Variants in FREM2 observed in about 807,000 individuals in gnomAD.
FREM2 encodes FRAS1 related extracellular matrix 2, also known as FRAS1-related extracellular matrix protein 2.
A neutral mutation model predicts 219.9 loss-of-function variants in FREM2; 119 were observed. The observed-to-expected ratio is 0.54, with a 90% CI of 0.47 to 0.63. The LOEUF (loss-of-function observed/expected upper bound fraction) is 0.63. Among genes scored for constraint, FREM2 ranks in the 30% least tolerant of loss-of-function variants. The pLI is 0.00. For synonymous variants in FREM2, 1,562 were observed against 1,522.8 expected (o/e 1.03, Z -0.60); for missense variants, 4,030 against 3,993.6 (o/e 1.01, Z -0.25).
intron 2 of FREM2, among the ~76,000 whole-genome samples, chr13:38,748,001 A>C (rs938429794): frequency 1.3e-5 from 2 of 152,188 alleles, no homozygotes; most frequent in African/African-American, 4.8e-5. Flanking sequence ...CTAAGATCCA[A>C]CTGAAAACAG....
intron 18 of FREM2, among the ~76,000 whole-genome samples, chr13:38,875,272 C>G (rs1244415048): frequency 6.6e-6 from 1 of 151,692 alleles, no homozygotes; most frequent in Non-Finnish European, 1.5e-5. Flanking sequence ...TTTCTGCCAG[C>G]TTATATTAGA....
chr13:38,705,252 T>C (rs1435726576), intron 2 of FREM2, among the ~76,000 whole-genome samples: 2 of 152,092 alleles, frequency 1.3e-5, no homozygotes, highest in Non-Finnish European at 2.9e-5. Flanking sequence ...GTAAGACTTA[T>C]TGATGAGTTG....
At chr13:38,821,905 C>G (rs1358021461) in intron 6 of FREM2, 1 of 152,116 alleles carries the variant, frequency 6.6e-6, no homozygotes, top group Non-Finnish European at 1.5e-5. Flanking sequence ...CACTTGGCCT[C>G]AGGCTCCCGG....
chr13:38,728,148 C>A (rs77047895), intron 2 of FREM2, among the ~76,000 whole-genome samples: 7,783 of 151,938 alleles, frequency 0.051, 639 homozygotes, highest in African/African-American at 0.17. Context: ...TGTTCAGCAC[C>A]CAACACCAAT....
At chr13:38,800,917 A>C (rs545035755) in intron 6 of FREM2, among the ~76,000 whole-genome samples, 63 of 152,328 alleles carry the variant, frequency 4.1e-4, no homozygotes, top group African/African-American at 1.4e-3. Context: ...GGCATGAGCC[A>C]CCACACCCAG....
At chr13:38,706,664 T>G (rs1455640130) in intron 2 of FREM2, among the ~76,000 whole-genome samples, 2 of 152,222 alleles carry the variant, frequency 1.3e-5, no homozygotes, top group Non-Finnish European at 2.9e-5. Flanking sequence ...TCCTGCTTTT[T>G]CTGAGATTAG....
At chr13:38,804,011 G>A (rs748134294) in intron 6 of FREM2, among the ~76,000 whole-genome samples, 115 of 151,908 alleles carry the variant, frequency 7.6e-4, no homozygotes, top group Non-Finnish European at 1.3e-3. Context: ...TTTGCATTAC[G>A]CTTGCAAGCT....
At chr13:38,846,888 TA>T (rs1458121777) in intron 7 of FREM2, among the ~76,000 whole-genome samples, 166 bp downstream of exon 7, 2 of 152,342 alleles carry the variant, frequency 1.3e-5, no homozygotes, top group Non-Finnish European at 2.9e-5. Context: ...CTTTATTTAC[TA>T]CTTTGGGAAA....
At chr13:38,857,460 A>G (rs943467836) in intron 12 of FREM2, among the ~76,000 whole-genome samples, 1 of 151,940 alleles carries the variant, frequency 6.6e-6, no homozygotes, top group African/African-American at 2.4e-5. Context: ...CTATCCCATG[A>G]CCTCTGTGAT....
chr13:38,793,648 A>G (rs1874653321), intron 6 of FREM2, among the ~76,000 whole-genome samples: 1 of 152,254 alleles, frequency 6.6e-6, no homozygotes, highest in East Asian at 1.9e-4. Flanking sequence ...AATTAGATTT[A>G]TATTTTAGAA....
chr13:38,787,352 C>A (rs552251699), intron 6 of FREM2, among the ~76,000 whole-genome samples: 86 of 152,276 alleles, frequency 5.6e-4, no homozygotes, highest in African/African-American at 2.0e-3. Flanking sequence ...TCTAACATCA[C>A]TACTATAGTT....
chr13:38,689,223 G>A lies in FREM2; in HGVS notation c.1879G>A (p.Gly627Ser), dbSNP rs199661318. Residue 627 changes from glycine to serine, a missense_variant, in exon 1 of 24, where the codon GGC (glycine) becomes AGC (serine). By Grantham distance (56) the Gly-to-Ser change is moderately conservative (BLOSUM62 0). Coordinates refer to ENST00000280481, the MANE Select transcript of FREM2 (RefSeq NM_207361.6). ...CCATGAGAAGCAGGAACTTCTCAGA[G>A]GCCTTTGGAGGAAGGAGGGGGCATT... ...PPHEKQELLR[G>S]LWRKEGAFYE... 9.8e-5 allele frequency: 158 copies of A among 1,614,100 alleles called. No homozygotes were observed. In the Admixed American group the frequency reaches 1.0e-3, roughly 10 times the overall value.
intron 2 of FREM2, among the ~76,000 whole-genome samples, chr13:38,726,614 T>A (rs1219137607): frequency 6.6e-6 from 1 of 152,120 alleles, no homozygotes; most frequent in Non-Finnish European, 1.5e-5. Flanking sequence ...CTGTCACTCT[T>A]CCAGATACCC....
intron 2 of FREM2, among the ~76,000 whole-genome samples, chr13:38,749,420 C>T (rs1379642447): frequency 1.3e-5 from 2 of 152,190 alleles, no homozygotes; most frequent in African/African-American, 4.8e-5. Flanking sequence ...TATATATTCA[C>T]AATTCAATTT....
chr13:38,873,055 A>G (rs1451944660), intron 17 of FREM2, 121 bp downstream of exon 17: 1 of 794,690 alleles, frequency 1.3e-6, no homozygotes, highest in African/African-American at 1.7e-5. Flanking sequence ...TTCATTTTCT[A>G]TCTATAATAA....
intron 6 of FREM2, among the ~76,000 whole-genome samples, chr13:38,792,455 T>C (rs576156951): frequency 6.6e-6 from 1 of 152,342 alleles, no homozygotes; most frequent in East Asian, 1.9e-4. Context: ...TTCATGGTAT[T>C]AGTTACCTGC....
rs118084098 is a variant in FREM2, at chr13:38,699,170, T to C, written c.5263+1383T>C. ...GAAATTATTGGTTTAAAACACCATG[T>C]TTATCTCTTAGGATGACTGAGTAAA... On this transcript the variant is annotated intron_variant, in intron 2 of 23. Coordinates refer to ENST00000280481, the MANE Select transcript of FREM2 (RefSeq NM_207361.6). Among the ~76,000 whole-genome samples, 914 of 152,276 alleles carry C rather than the reference T, an allele frequency of 6.0e-3. 9 individuals carry two copies. The highest frequency in any genetic ancestry group is 0.021 in the South Asian group (101 of 4,826).
At chr13:38,699,023 C>CA (rs2138080852) in intron 2 of FREM2, among the ~76,000 whole-genome samples, 1 of 152,140 alleles carries the variant, frequency 6.6e-6, no homozygotes, top group South Asian at 2.1e-4. Context: ...AAAAGGAAAT[C>CA]AACTCATAAA....
At chr13:38,719,441 G>A (rs1054659520) in intron 2 of FREM2, among the ~76,000 whole-genome samples, 9 of 152,080 alleles carry the variant, frequency 5.9e-5, no homozygotes, top group Non-Finnish European at 1.0e-4. Context: ...GGCTGGTTCC[G>A]AACCCCTGAC....
Sources: allele counts gnomAD v4.1 joint callset (sites outside exome capture counted in the v4.1 genomes callset), GRCh38; gene constraint gnomAD v4.1.1; transcripts MANE v1.5; gene names NCBI Gene and HGNC (gene_info 2026-07-23, HGNC 2026-07-21).